The following ASTN2 variants were observed in gnomAD, a reference collection of about 807,000 sequenced individuals.
ASTN2 encodes the protein astrotactin-2.
In ASTN2, 54 loss-of-function variants were observed where a neutral mutation model predicts 139.8. That is an observed-to-expected ratio of 0.39 (90% CI 0.31 to 0.48). The LOEUF is 0.48. Ranked by LOEUF, ASTN2 falls within the 20% of genes least tolerant of loss-of-function variation. ASTN2 has a pLI of 0.95. For missense variants in ASTN2, 1,565 were observed against 1,725.1 expected, an observed-to-expected ratio of 0.91 and a Z score of 1.64; for synonymous variants, 756 against 719.5, an observed-to-expected ratio of 1.05 and a Z score of -0.81.
intron 16 of ASTN2, among the ~76,000 whole-genome samples, chr9:116,722,637 A>C (rs12005419): frequency 6.6e-6 from 1 of 152,066 alleles, no homozygotes; most frequent in Non-Finnish European, 1.5e-5. Flanking sequence ...GTAATGGGGG[A>C]AGTGAGTACC....
chr9:117,083,885 T>C (rs1247536946), intron 5 of ASTN2, among the ~76,000 whole-genome samples: 1 of 152,038 alleles, frequency 6.6e-6, no homozygotes, highest in Non-Finnish European at 1.5e-5. Context: ...CAGAGAACAA[T>C]TTAAACAATA....
intron 2 of ASTN2, among the ~76,000 whole-genome samples, chr9:117,289,730 T>G (rs1478547709): frequency 6.6e-6 from 1 of 152,110 alleles, no homozygotes; most frequent in Non-Finnish European, 1.5e-5. Context: ...GCTTATAAAT[T>G]TGCACCCCAA....
chr9:117,169,341 C>T (rs1053829624), intron 3 of ASTN2, among the ~76,000 whole-genome samples: 4 of 152,030 alleles, frequency 2.6e-5, no homozygotes, highest in East Asian at 1.9e-4. Flanking sequence ...ATAAGTAAAA[C>T]GCTTTATCAA....
intron 5 of ASTN2, among the ~76,000 whole-genome samples, chr9:117,060,264 T>C (rs1257357035): frequency 6.7e-6 from 1 of 148,188 alleles, no homozygotes; most frequent in Non-Finnish European, 1.5e-5. Context: ...TGGGCCAAGA[T>C]TGTGCCACTG....
At chr9:116,786,287 T>C (rs868675359) in intron 13 of ASTN2, among the ~76,000 whole-genome samples, 7 of 152,214 alleles carry the variant, frequency 4.6e-5, no homozygotes, top group Non-Finnish European at 1.0e-4. Context: ...CTCAACCTGC[T>C]TTTCTCCACA....
intron 2 of ASTN2, among the ~76,000 whole-genome samples, chr9:117,260,293 G>A (rs1488831984): frequency 6.6e-6 from 1 of 152,148 alleles, no homozygotes; most frequent in East Asian, 1.9e-4. Context: ...TGAACAGAGG[G>A]CAAAAGGGTT....
In ASTN2 at chr9:116,698,412, CAG is replaced by C; in HGVS notation, c.2806+27357_2806+27358del. ...GTCCAATAGTCAAGTGGTAGAGGAG[CAG>C]AGTTACCTGCTTAACATTGCAGAGG... On this transcript the variant is annotated intron_variant, in intron 16 of 22. Transcript: ENST00000313400. The surrounding 1 kb of genome is among the most constrained non-coding windows in gnomAD (Gnocchi z 4.4). 1 of 1,614,092 alleles carries C rather than the reference CAG, an allele frequency of 6.2e-7. No individual in the cohort carries two copies. The highest frequency in any genetic ancestry group is 8.5e-7 in the Non-Finnish European group (1 of 1,180,022).
intron 5 of ASTN2, among the ~76,000 whole-genome samples, chr9:117,080,823 T>C (rs1828406888): frequency 6.6e-6 from 1 of 152,124 alleles, no homozygotes; most frequent in African/African-American, 2.4e-5. Context: ...GAGTCATGTC[T>C]TGCTAACCCC....
intron 19 of ASTN2, among the ~76,000 whole-genome samples, chr9:116,509,607 T>G (rs1850276274): frequency 6.6e-6 from 1 of 152,238 alleles, no homozygotes; most frequent in African/African-American, 2.4e-5. Flanking sequence ...ATGGTTCAAC[T>G]AGTTTACTCT....
chr9:116,695,977 A>C (rs115808405), intron 16 of ASTN2, among the ~76,000 whole-genome samples: 1 of 152,114 alleles, frequency 6.6e-6, no homozygotes, highest in Non-Finnish European at 1.5e-5. Context: ...TCACCTTTCA[A>C]ATCTTACTGA....
At chr9:117,398,334 G>A (rs559821718) in intron 1 of ASTN2, among the ~76,000 whole-genome samples, 1 of 152,270 alleles carries the variant, frequency 6.6e-6, no homozygotes, top group Non-Finnish European at 1.5e-5. Flanking sequence ...AATGGAGGCC[G>A]ATGCTGTGGT....
At position 116,845,129 on chromosome 9, in the gene ASTN2, T is replaced by C. The variant is rs141865319; in HGVS notation, c.2040+18454A>G. The stretch of plus-strand genomic sequence containing the variant: ...ACTGTACCATACCATTCTTTCTTTT[T>C]TTTGAGACGGAGTCTCACTGTGTTG... On this transcript the variant is annotated intron_variant, in intron 11 of 22. Coordinates refer to ENST00000313400, the MANE Select transcript of ASTN2 (RefSeq NM_001365068.1). Among the ~76,000 whole-genome samples the C allele has an allele frequency of 1.3e-3, 199 of 152,318 alleles. 1 individual carries two copies. The highest frequency in any genetic ancestry group is 4.6e-3 in the African/African-American group (192 of 41,572).
At chr9:117,389,943 G>A (rs1238134278) in intron 1 of ASTN2, among the ~76,000 whole-genome samples, 1 of 152,090 alleles carries the variant, frequency 6.6e-6, no homozygotes, top group East Asian at 1.9e-4. Flanking sequence ...GGAATGGCCA[G>A]GGAGGCCCTC....
intron 13 of ASTN2, among the ~76,000 whole-genome samples, chr9:116,784,494 G>A (rs183002427): frequency 2.0e-4 from 30 of 152,256 alleles, no homozygotes; most frequent in Admixed American, 3.3e-4. Context: ...CATCACACAC[G>A]CAATGTCCTG....
intron 4 of ASTN2, among the ~76,000 whole-genome samples, chr9:117,105,132 T>C (rs1455753817): frequency 6.6e-6 from 1 of 152,032 alleles, no homozygotes; most frequent in Admixed American, 6.6e-5. Context: ...CACACCCCCA[T>C]CAAAGGCAGA....
chr9:116,605,854 C>T (rs1014571964), intron 19 of ASTN2, among the ~76,000 whole-genome samples: 8 of 152,104 alleles, frequency 5.3e-5, no homozygotes, highest in African/African-American at 1.9e-4. Flanking sequence ...AGTGAAAAAT[C>T]TTTGAATGTA....
intron 3 of ASTN2, among the ~76,000 whole-genome samples, chr9:117,191,510 A>C (rs772107980): frequency 6.6e-6 from 1 of 152,346 alleles, no homozygotes; most frequent in Middle Eastern, 3.4e-3. Context: ...TATAATTAAG[A>C]AATATTAGAT....
chr9:117,107,994 G>T (rs1829149567), intron 4 of ASTN2, among the ~76,000 whole-genome samples: 2 of 152,154 alleles, frequency 1.3e-5, no homozygotes. Context: ...CAGGAGGTAA[G>T]AAAGGGAACA....
At chr9:116,449,986 T>C (rs1366316754) in intron 20 of ASTN2, among the ~76,000 whole-genome samples, 4 of 152,322 alleles carry the variant, frequency 2.6e-5, no homozygotes, top group Admixed American at 1.3e-4. Context: ...CAACCTACTA[T>C]GTACTGTCTG....
Sources: allele counts gnomAD v4.1 joint callset (sites outside exome capture counted in the v4.1 genomes callset), GRCh38; gene constraint gnomAD v4.1.1; non-coding constraint Gnocchi (gnomAD v3.1); transcripts MANE v1.5; gene names NCBI Gene and HGNC (gene_info 2026-07-23, HGNC 2026-07-21).